HECW1: variants seen among roughly 807,000 people sequenced by gnomAD.
HECW1 encodes HECT, C2 and WW domain containing E3 ubiquitin protein ligase 1.
HECW1 carries 61 observed loss-of-function variants against 182.3 expected under a neutral mutation model. The observed-to-expected ratio is 0.33, with a 90% CI of 0.27 to 0.41. The LOEUF is 0.41. Ranked by LOEUF, HECW1 falls within the 10% of genes least tolerant of loss-of-function variation. The pLI is 1.00. For missense variants in HECW1, 1,739 were observed against 2,108.9 expected, an observed-to-expected ratio of 0.82 and a Z score of 3.44; for synonymous variants, 859 against 832.6, an observed-to-expected ratio of 1.03 and a Z score of -0.55.
chr7:43,313,339 A>ATTTTTT (rs3032878), intron 4 of HECW1, among the ~76,000 whole-genome samples: 1 of 142,720 alleles, frequency 7.0e-6, no homozygotes, highest in Non-Finnish European at 1.5e-5. Flanking sequence ...CCTAAAGAGC[A>ATTTTTT]TTTTTTTTTT....
chr7:43,120,746 T>A (rs1031027321), intron 2 of HECW1, among the ~76,000 whole-genome samples: 14 of 152,056 alleles, frequency 9.2e-5, no homozygotes, highest in African/African-American at 3.4e-4. Context: ...CAGGCTCAAG[T>A]GATTTTTCTG....
chr7:43,439,915 GAGGCAACA>G (rs2076829547), intron 9 of HECW1: 1 of 152,324 alleles, frequency 6.6e-6, no homozygotes, highest in Non-Finnish European at 1.5e-5. Flanking sequence ...ACCTCTCCAA[GAGGCAACA>G]ACAGCAAGCC....
At chr7:43,251,029 G>A (rs1799970156) in intron 3 of HECW1, among the ~76,000 whole-genome samples, 1 of 152,124 alleles carries the variant, frequency 6.6e-6, no homozygotes, top group South Asian at 2.1e-4. Context: ...TTCTCCCAGG[G>A]CAGCAATGCT....
rs1293375600 is a variant in HECW1, at chr7:43,565,873, G to A, written c.*3947G>A. 4 of 191,442 alleles carry A rather than the reference G, an allele frequency of 2.1e-5. No individual in the cohort carries two copies. The Admixed American group carries it at 2.5e-4, about 12-fold the overall frequency. 11.9% of individuals were successfully genotyped at this position (191,442 alleles called of 1,614,324 possible). A position where few individuals can be genotyped will look rare whatever the true frequency, so the allele number is the denominator to read the frequency against. On this transcript the variant is annotated 3_prime_UTR_variant, in exon 30 of 30. Coordinates refer to ENST00000395891, the MANE Select transcript of HECW1 (RefSeq NM_015052.5). ...AAAAGTCTGTTCTAGTCAATAGCAG[G>A]AGAAGTCCACGTTATTGGGCTGATT... is the stretch of plus-strand genomic sequence containing the variant.
At chr7:43,298,086 G>GA (rs1464887366) in intron 3 of HECW1, among the ~76,000 whole-genome samples, 39 of 151,418 alleles carry the variant, frequency 2.6e-4, no homozygotes, top group South Asian at 2.1e-4. Context: ...GGAAAAATAG[G>GA]AAAAAAAACA....
intron 5 of HECW1, among the ~76,000 whole-genome samples, chr7:43,323,533 CT>C (rs1356119843): frequency 6.6e-6 from 1 of 152,136 alleles, no homozygotes; most frequent in Non-Finnish European, 1.5e-5. Flanking sequence ...CTGCAGTGAG[CT>C]ATGATAGTGC....
chr7:43,431,013 C>A (rs1384141128), intron 8 of HECW1, among the ~76,000 whole-genome samples: 1 of 152,072 alleles, frequency 6.6e-6, no homozygotes, highest in Admixed American at 6.6e-5. Context: ...AACTTCTGAG[C>A]ATTCCTCCTG....
intron 26 of HECW1, among the ~76,000 whole-genome samples, chr7:43,548,771 G>A (rs2081671161): frequency 1.3e-5 from 2 of 152,138 alleles, no homozygotes; most frequent in African/African-American, 4.8e-5. Context: ...GCGAAACCCT[G>A]TCTGTACTAA....
At position 43,541,247 on chromosome 7, in the gene HECW1, G is replaced by A. The variant is rs762966900; in HGVS notation, c.4104G>A (p.Lys1368=). ...CTTTCTTCACGAGGCCCTTCTACAAGGCACTCCTGAGACTGTAAGTGCTTT... is the reference window on the plus strand; with the variant it reads ...CTTTCTTCACGAGGCCCTTCTACAAAGCACTCCTGAGACTGTAAGTGCTTT... The part of the protein sequence containing the change: ...LDAFFTRPFY[K]ALLRLPCDLS... Residue 1368 remains lysine (K), a synonymous_variant, in exon 25 of 30, where the codon AAG becomes AAA. Transcript: ENST00000395891. 5.6e-5 allele frequency: 91 copies of A among 1,613,624 alleles called. No individual in the cohort carries two copies. The highest frequency in any genetic ancestry group is 7.5e-5 in the Non-Finnish European group (89 of 1,179,698).
At chr7:43,467,158 A>G (rs1230260044) in intron 15 of HECW1, among the ~76,000 whole-genome samples, 1 of 152,120 alleles carries the variant, frequency 6.6e-6, no homozygotes, top group Non-Finnish European at 1.5e-5. Context: ...AGTCACAAAG[A>G]CAGATTAAGG....
intron 2 of HECW1, among the ~76,000 whole-genome samples, chr7:43,242,508 C>T (rs1798981979): frequency 6.6e-6 from 1 of 152,138 alleles, no homozygotes; most frequent in Non-Finnish European, 1.5e-5. Flanking sequence ...TTAAGGGAAG[C>T]TTGGGCATAG....
intron 12 of HECW1, among the ~76,000 whole-genome samples, chr7:43,454,820 C>T (rs562998398): frequency 5.4e-4 from 83 of 152,354 alleles, no homozygotes; most frequent in African/African-American, 2.0e-3. Flanking sequence ...GACCTACTCC[C>T]GAAAGCTATG....
intron 3 of HECW1, among the ~76,000 whole-genome samples, chr7:43,303,343 C>T (rs1250880582): frequency 7.6e-6 from 1 of 131,262 alleles, no homozygotes; most frequent in African/African-American, 2.8e-5. Flanking sequence ...ACCCCCCGCC[C>T]CCCAACACCT....
chr7:43,143,800 A>G (rs1438989448), intron 2 of HECW1, among the ~76,000 whole-genome samples: 3 of 152,186 alleles, frequency 2.0e-5, no homozygotes, highest in African/African-American at 7.2e-5. Context: ...GCCTTATTTG[A>G]TGGCCACTTG....
intron 26 of HECW1, among the ~76,000 whole-genome samples, chr7:43,544,514 T>C (rs902483911): frequency 6.6e-6 from 1 of 152,210 alleles, no homozygotes; most frequent in African/African-American, 2.4e-5. Context: ...CCATTGTAGG[T>C]GGAAGTGTGA....
At chr7:43,327,345 C>T (rs908407547) in intron 5 of HECW1, among the ~76,000 whole-genome samples, 1 of 152,058 alleles carries the variant, frequency 6.6e-6, no homozygotes, top group Non-Finnish European at 1.5e-5. Flanking sequence ...ACCAAGACTC[C>T]CCCCACCGCT....
chr7:43,257,761 C>A (rs939532330), intron 3 of HECW1, among the ~76,000 whole-genome samples: 2 of 152,120 alleles, frequency 1.3e-5, no homozygotes, highest in Non-Finnish European at 2.9e-5. Flanking sequence ...AGGTTTGTAT[C>A]CATGTTTTAC....
intron 3 of HECW1, among the ~76,000 whole-genome samples, chr7:43,309,719 C>T (rs924940869): frequency 3.9e-5 from 6 of 152,142 alleles, no homozygotes; most frequent in African/African-American, 1.2e-4. Flanking sequence ...GCTGTGTAAC[C>T]CTTGGCACTT....
At chr7:43,237,824 C>T (rs1798512844) in intron 2 of HECW1, among the ~76,000 whole-genome samples, 1 of 142,496 alleles carries the variant, frequency 7.0e-6, no homozygotes, top group South Asian at 2.2e-4. Context: ...ATGCAATTCA[C>T]CAGTCTTTCC....
Sources: allele counts gnomAD v4.1 joint callset (sites outside exome capture counted in the v4.1 genomes callset), GRCh38; gene constraint gnomAD v4.1.1; transcripts MANE v1.5; gene names NCBI Gene and HGNC (gene_info 2026-07-23, HGNC 2026-07-21).